The following ARMC9 variants were observed in gnomAD, a reference collection of about 807,000 sequenced individuals.
ARMC9 encodes armadillo repeat containing 9, also known as lisH domain-containing protein ARMC9.
ARMC9 carries 94 observed loss-of-function variants against 107.0 expected under a neutral mutation model. That is an observed-to-expected ratio of 0.88 (90% confidence interval 0.74 to 1.04). The LOEUF is 1.04. Ranked by LOEUF, ARMC9 falls within the 50% of genes least tolerant of loss-of-function variation. The pLI is 0.00. For synonymous variants in ARMC9, 380 were observed against 396.9 expected (o/e 0.96, Z 0.51); for missense variants, 942 against 1,030.1 (o/e 0.91, Z 1.17).
intron 3 of ARMC9, among the ~76,000 whole-genome samples, chr2:231,210,743 A>C (rs1574855540): frequency 2.6e-5 from 4 of 152,348 alleles, no homozygotes; most frequent in South Asian, 4.1e-4. Flanking sequence ...ATGTCTCTTT[A>C]GGTCTTTTTA....
At chr2:231,323,080 T>C (rs1437438530) in intron 19 of ARMC9, among the ~76,000 whole-genome samples, 1 of 152,002 alleles carries the variant, frequency 6.6e-6, no homozygotes, top group Admixed American at 6.6e-5. Context: ...TCCCAGCACT[T>C]CAGGAGGCTA....
At chr2:231,327,205 G>A (rs756505046) in intron 19 of ARMC9, among the ~76,000 whole-genome samples, 91 of 152,274 alleles carry the variant, frequency 6.0e-4, no homozygotes, top group Middle Eastern at 3.4e-3. Context: ...CCGTTCGGTC[G>A]GCGTTCGAGT....
rs185132878 is a variant in ARMC9, at chr2:231,326,828, A to C, written c.1774-4965A>C. 1.8e-4 allele frequency among the ~76,000 whole-genome samples: 28 copies of C among 152,310 alleles called. 1 individual carries two copies. In the East Asian group the frequency reaches 5.4e-3, roughly 29 times the overall value. ...AGTCGGAAATGAAGACAGGGTACTC[A>C]TTTTTGCAGAATAGAGCTTTCTCTG... is the stretch of plus-strand genomic sequence containing the variant. On this transcript the variant is annotated intron_variant, in intron 19 of 24. Coordinates refer to ENST00000611582, the MANE Select transcript of ARMC9 (RefSeq NM_001352754.2).
At chr2:231,269,338 T>C (rs141102159) in intron 12 of ARMC9, among the ~76,000 whole-genome samples, 1 of 151,922 alleles carries the variant, frequency 6.6e-6, no homozygotes, top group African/African-American at 2.4e-5. Flanking sequence ...TTTTCTATTA[T>C]AGTTTTCTCT....
chr2:231,216,200 C>T (rs2033481107), intron 4 of ARMC9, among the ~76,000 whole-genome samples: 1 of 152,168 alleles, frequency 6.6e-6, no homozygotes, highest in Non-Finnish European at 1.5e-5. Flanking sequence ...AAAGAAATGC[C>T]TGTTAATCTT....
At chr2:231,312,540 G>A (rs928838141) in intron 19 of ARMC9, among the ~76,000 whole-genome samples, 4 of 151,720 alleles carry the variant, frequency 2.6e-5, no homozygotes, top group African/African-American at 7.3e-5. Context: ...ATTCTTCTCC[G>A]AACAAACCGT....
chr2:231,355,193 G>C (rs2045286700), intron 21 of ARMC9, among the ~76,000 whole-genome samples: 1 of 152,122 alleles, frequency 6.6e-6, no homozygotes, highest in African/African-American at 2.4e-5. Context: ...AAAAAAATCA[G>C]TTGAGTGTGG....
In ARMC9 at chr2:231,245,482, T is replaced by C. The variant is rs536903701; in HGVS notation, c.879+5441T>C. Among the ~76,000 whole-genome samples, 9 of 152,292 alleles carry C rather than the reference T, an allele frequency of 5.9e-5. No individual in the cohort carries two copies. In the East Asian group the frequency reaches 1.7e-3, roughly 29 times the overall value. On this transcript the variant is annotated intron_variant, in intron 9 of 24. Transcript: ENST00000611582. ...AGCCCTGGGCAGAAGGGGTTAGTGT[T>C]AGGGTTAGGGCTAGCGTTACACAAA...
At position 231,358,221 on chromosome 2, in the gene ARMC9, GTGGGCAGTGC is replaced by G. The variant is rs1468062513; in HGVS notation, c.2131+2293_2131+2302del. Among the ~76,000 whole-genome samples the G allele has an allele frequency of 1.3e-5, 2 of 152,180 alleles. No homozygotes were observed. The highest frequency in any genetic ancestry group is 3.8e-4 in the East Asian group (2 of 5,200). ...GGATGAGCAGCAGGGACAGCAGGGA[GTGGGCAGTGC>G]TGGGCTGGGCATGGGCACCCCTGAG... On this transcript the variant is annotated intron_variant, in intron 22 of 24. Transcript: ENST00000611582. This position sits in a 1 kb window ranked among gnomAD's most constrained non-coding sequence, Gnocchi z 4.5.
At chr2:231,217,103 G>A (rs1308518669) in intron 5 of ARMC9, among the ~76,000 whole-genome samples, 1 of 152,118 alleles carries the variant, frequency 6.6e-6, no homozygotes, top group Non-Finnish European at 1.5e-5. Flanking sequence ...ACAGGAGCAT[G>A]CATAAATACA....
chr2:231,343,339 A>G (rs2044631789), intron 20 of ARMC9, among the ~76,000 whole-genome samples: 1 of 151,154 alleles, frequency 6.6e-6, no homozygotes, highest in South Asian at 2.1e-4. Flanking sequence ...GATACTAGAT[A>G]AACACAAAGG....
At chr2:231,316,621 T>C in intron 19 of ARMC9, among the ~76,000 whole-genome samples, 1 of 147,226 alleles carries the variant, frequency 6.8e-6, no homozygotes, top group South Asian at 2.1e-4. Context: ...GCCGAGATCA[T>C]ACCACTGCAC....
rs1003153021 is a variant in ARMC9, at chr2:231,212,827, G to A, written c.178-2004G>A. Reference sequence around the variant, plus strand: ...AACACACTGTCCCTCGCCTGTGTCCGGGAGGAACAGAAGAGCCAGCCTTGA... The same window carrying A: ...AACACACTGTCCCTCGCCTGTGTCCAGGAGGAACAGAAGAGCCAGCCTTGA... On this transcript the variant is annotated intron_variant, in intron 3 of 24. Coordinates refer to ENST00000611582, the MANE Select transcript of ARMC9 (RefSeq NM_001352754.2). Among the ~76,000 whole-genome samples the A allele has an allele frequency of 5.9e-5, 9 of 152,326 alleles. No homozygotes were observed. The South Asian group carries it at 6.2e-4, about 11-fold the overall frequency.
In ARMC9 at chr2:231,255,417, A is replaced by G. The variant is rs372059999; in HGVS notation, c.880-1169A>G. 3.3e-5 allele frequency among the ~76,000 whole-genome samples: 5 copies of G among 152,320 alleles called. No individual in the cohort carries two copies. In the East Asian group the frequency reaches 5.8e-4, roughly 18 times the overall value. On this transcript the variant is annotated intron_variant, in intron 9 of 24. Transcript: ENST00000611582. The surrounding 1 kb of genome is among the most constrained non-coding windows in gnomAD (Gnocchi z 4.7). ...TAATAAAGAAAAAAACCAGAATAAT[A>G]TAATGATTCATATTGCTTTTGTTCT...
intron 4 of ARMC9, among the ~76,000 whole-genome samples, chr2:231,216,010 G>A (rs2033462360): frequency 1.3e-5 from 2 of 152,196 alleles, no homozygotes; most frequent in African/African-American, 2.4e-5. Context: ...GAGCCAGTGT[G>A]GGAGCAAAGC....
chr2:231,263,811 A>G lies in ARMC9; in HGVS notation c.1119+1413A>G, dbSNP rs111273813. ...CTTTTTTTTCCTGTTTGGATTTATA[A>G]TGGCATTGAATCCAGCCTACAAGGC... On this transcript the variant is annotated intron_variant, in intron 12 of 24. Transcript: ENST00000611582. Among the ~76,000 whole-genome samples, 90 of 152,314 alleles carry G rather than the reference A, an allele frequency of 5.9e-4. 1 individual carries two copies. Among genetic ancestry groups the G allele is most frequent in the African/African-American group, 2.0e-3 (83 of 41,574 alleles).
intron 1 of ARMC9, among the ~76,000 whole-genome samples, chr2:231,203,647 A>G (rs1238618340): frequency 6.6e-6 from 1 of 152,038 alleles, no homozygotes; most frequent in Non-Finnish European, 1.5e-5. Flanking sequence ...CAGCCTGAGC[A>G]ATGGTGAAAT....
chr2:231,219,310 C>T (rs1574636459), intron 5 of ARMC9, among the ~76,000 whole-genome samples: 2 of 152,230 alleles, frequency 1.3e-5, no homozygotes, highest in South Asian at 4.1e-4. Context: ...ATAGTCGTCT[C>T]CTCTTATTTA....
intron 20 of ARMC9, among the ~76,000 whole-genome samples, chr2:231,344,530 T>C (rs1046685381): frequency 6.6e-6 from 1 of 152,260 alleles, no homozygotes; most frequent in Non-Finnish European, 1.5e-5. Flanking sequence ...TAACCTTTAA[T>C]CTGTTAAATT....
Sources: gnomAD v4.1 joint callset for allele counts (sites outside exome capture counted in the v4.1 genomes callset) on GRCh38, gnomAD v4.1.1 for gene constraint, Gnocchi (gnomAD v3.1) non-coding constraint, MANE v1.5 for transcripts, NCBI Gene and HGNC (gene_info 2026-07-23, HGNC 2026-07-21) for gene names.